PSMD12: variants seen among roughly 807,000 people sequenced by gnomAD.
The protein encoded by PSMD12 is proteasome 26S subunit, non-ATPase 12, also known as 26S proteasome non-ATPase regulatory subunit 12.
Under a neutral mutation model 62.9 loss-of-function variants are expected in PSMD12, and 8 were observed. The observed-to-expected ratio is 0.13, with a 90% CI of 0.07 to 0.23. The LOEUF is 0.23. PSMD12 is among the 10% of genes least tolerant of loss of function. The probability of loss-of-function intolerance (pLI) is 1.00; values close to 1 mark genes in which losing one functional copy is unlikely to be tolerated. For synonymous variants in PSMD12, 173 were observed against 187.4 expected (o/e 0.92, Z 0.63); for missense variants, 424 against 550.2 (o/e 0.77, Z 2.29).
intron 3 of PSMD12, among the ~76,000 whole-genome samples, chr17:67,353,800 T>A (rs1421690520): frequency 6.6e-6 from 1 of 152,220 alleles, no homozygotes; most frequent in Non-Finnish European, 1.5e-5. Context: ...CTTCTGGCTG[T>A]CACTAGCCAG....
In PSMD12 at chr17:67,338,830, C is replaced by A. The variant is rs1411751720; in HGVS notation, c.*2013G>T. On this transcript the variant is annotated 3_prime_UTR_variant, in exon 11 of 11. Coordinates refer to ENST00000356126, the MANE Select transcript of PSMD12 (RefSeq NM_002816.5). ...TCGTGACACTGCAATCCAGCCTGGG[C>A]AACAAGAGTGAAACTCCGTCTCAAA... 6.6e-6 allele frequency: 1 copy of A among 151,898 alleles called. No homozygotes were observed. Among genetic ancestry groups the A allele is most frequent in the Non-Finnish European group, 1.5e-5 (1 of 68,030 alleles). The allele number at this position is 151,898 out of a possible 1,614,324, so 9.4% of individuals were successfully genotyped here.
At chr17:67,344,553 T>C in intron 9 of PSMD12, 53 bp downstream of exon 9, 1 of 1,450,834 alleles carries the variant, frequency 6.9e-7, no homozygotes, top group Non-Finnish European at 9.2e-7. Context: ...TTCTAAAAAG[T>C]AAATTCACTA....
intron 3 of PSMD12, among the ~76,000 whole-genome samples, chr17:67,356,402 C>CA (rs1439879606): frequency 1.3e-5 from 2 of 149,626 alleles, no homozygotes; most frequent in Non-Finnish European, 3.0e-5. Flanking sequence ...ACTAAAAATA[C>CA]AAAAAATTAG....
chr17:67,348,832 C>T (rs1438750040), intron 4 of PSMD12, among the ~76,000 whole-genome samples, 178 bp from the exon 5 acceptor site: 1 of 152,132 alleles, frequency 6.6e-6, no homozygotes, highest in South Asian at 2.1e-4. Context: ...CCCGTCTCTA[C>T]TAAAAATCAA....
intron 3 of PSMD12, among the ~76,000 whole-genome samples, chr17:67,351,253 G>T (rs941138926): frequency 1.3e-5 from 2 of 152,014 alleles, no homozygotes; most frequent in African/African-American, 2.4e-5. Context: ...TTAACCAGGC[G>T]TGGTGGCGGA....
chr17:67,362,672 A>C (rs946633034), intron 1 of PSMD12: 1 of 145,754 alleles, frequency 6.9e-6, no homozygotes, highest in Non-Finnish European at 1.5e-5. Flanking sequence ...AAAAAAAAAA[A>C]AACAAAAAAA....
chr17:67,358,578 A>AAAG (rs1324818616), intron 1 of PSMD12, among the ~76,000 whole-genome samples: 1 of 150,426 alleles, frequency 6.6e-6, no homozygotes, highest in African/African-American at 2.4e-5. Context: ...AAAAAAAAAA[A>AAAG]AAAAAAAAGA....
rs976886482 is a variant in PSMD12 at position 67,356,427 on chromosome 17, G to A, written c.297+876C>T. Among the ~76,000 whole-genome samples the A allele has an allele frequency of 2.7e-5, 4 of 149,590 alleles. No individual in the cohort carries two copies. In the East Asian group the frequency reaches 5.9e-4, roughly 22 times the overall value. On this transcript the variant is annotated intron_variant, in intron 3 of 10. Coordinates refer to ENST00000356126, the MANE Select transcript of PSMD12 (RefSeq NM_002816.5). ...CAAAAAATTAGCCGGGCGTGGTAGC[G>A]GGCGCCTGTAGTCCCAGCTACTCGG...
chr17:67,354,403 CAA>C (rs879834619), intron 3 of PSMD12, among the ~76,000 whole-genome samples: 5 of 120,404 alleles, frequency 4.2e-5, no homozygotes, highest in Non-Finnish European at 1.8e-5. Flanking sequence ...GAGACTGTTT[CAA>C]AAAAAAAAAA....
chr17:67,360,868 C>T (rs2042122446), intron 1 of PSMD12, among the ~76,000 whole-genome samples: 1 of 152,200 alleles, frequency 6.6e-6, no homozygotes, highest in Admixed American at 6.5e-5. Flanking sequence ...ACAAACTATA[C>T]CGTTGACAAT....
At chr17:67,350,121 T>C (rs1227244701) in intron 4 of PSMD12, 108 bp downstream of exon 4, 1 of 665,038 alleles carries the variant, frequency 1.5e-6, no homozygotes, top group Non-Finnish European at 2.4e-6. Context: ...TGTGTATTTC[T>C]TTAAAAAATA....
At chr17:67,348,030 A>G (rs541756966) in intron 5 of PSMD12, among the ~76,000 whole-genome samples, 1 of 152,318 alleles carries the variant, frequency 6.6e-6, no homozygotes, top group East Asian at 1.9e-4. Flanking sequence ...CTGTTGAAGG[A>G]TATCTGAGCT....
chr17:67,357,646 A>C, intron 1 of PSMD12, 68 bp from the exon 2 acceptor site: 1 of 1,493,606 alleles, frequency 6.7e-7, no homozygotes, highest in Non-Finnish European at 9.3e-7. Context: ...CTAAAATGAA[A>C]TGGTTTTGAC....
At chr17:67,363,975 G>A (rs1044716683) in intron 1 of PSMD12, among the ~76,000 whole-genome samples, 1 of 152,114 alleles carries the variant, frequency 6.6e-6, no homozygotes, top group African/African-American at 2.4e-5. Context: ...CTTGAAACCG[G>A]GAGGTGGAGG....
At chr17:67,351,038 T>C (rs2042012271) in intron 3 of PSMD12, among the ~76,000 whole-genome samples, 1 of 152,190 alleles carries the variant, frequency 6.6e-6, no homozygotes, top group Admixed American at 6.5e-5. Context: ...ATTTGATTTG[T>C]GTCCCATCAT....
At chr17:67,350,445 T>G (rs1401433743) in intron 3 of PSMD12, 109 bp from the exon 4 acceptor site, 4 of 653,896 alleles carry the variant, frequency 6.1e-6, no homozygotes, top group Non-Finnish European at 7.3e-6. Context: ...CAAGTAACTC[T>G]AGACACCAAA....
At chr17:67,350,424 C>T in intron 3 of PSMD12, 88 bp from the exon 4 acceptor site, 2 of 949,908 alleles carry the variant, frequency 2.1e-6, no homozygotes, top group South Asian at 4.0e-5. Flanking sequence ...AATGATCGAA[C>T]TTGGTCTTCC....
intron 1 of PSMD12, among the ~76,000 whole-genome samples, chr17:67,364,521 G>A (rs2042162116): frequency 1.3e-5 from 2 of 152,164 alleles, no homozygotes; most frequent in African/African-American, 4.8e-5. Flanking sequence ...ACACTGACTA[G>A]GTCTTGCAAA....
chr17:67,341,225 T>G (rs2143678559), intron 10 of PSMD12, among the ~76,000 whole-genome samples, 173 bp from the exon 11 acceptor site: 1 of 152,112 alleles, frequency 6.6e-6, no homozygotes, highest in Non-Finnish European at 1.5e-5. Context: ...TCCCAGCACT[T>G]TGGGAGGCTG....
Sources: allele counts gnomAD v4.1 joint callset (sites outside exome capture counted in the v4.1 genomes callset), GRCh38; gene constraint gnomAD v4.1.1; transcripts MANE v1.5; gene names NCBI Gene and HGNC (gene_info 2026-07-23, HGNC 2026-07-21).